The following ALDH5A1 variants were observed in gnomAD, a reference collection of about 807,000 sequenced individuals.
ALDH5A1 encodes the protein succinate-semialdehyde dehydrogenase, mitochondrial.
ALDH5A1 carries 33 observed loss-of-function variants against 54.7 expected under a neutral mutation model. That is an observed-to-expected ratio of 0.60 (90% CI 0.46 to 0.81). The LOEUF is 0.81. Among genes scored for constraint, ALDH5A1 ranks in the 30% least tolerant of loss-of-function variants. The probability of loss-of-function intolerance (pLI) is 0.00; values close to 1 mark genes in which losing one functional copy is unlikely to be tolerated. For missense variants in ALDH5A1, 657 were observed against 711.0 expected (o/e 0.92, Z 0.86); for synonymous variants, 294 against 292.7 (o/e 1.00, Z -0.05).
chr6:24,516,824 G>A (rs955898104), intron 5 of ALDH5A1, among the ~76,000 whole-genome samples: 5 of 152,100 alleles, frequency 3.3e-5, no homozygotes, highest in Admixed American at 2.6e-4. Flanking sequence ...TTGGGAGGGT[G>A]AGGTGAGAGG....
intron 5 of ALDH5A1, among the ~76,000 whole-genome samples, chr6:24,515,973 A>G (rs1759562511): frequency 1.3e-5 from 2 of 152,160 alleles, no homozygotes; most frequent in African/African-American, 4.8e-5. Context: ...CACACAATTA[A>G]TGTTGAAATG....
intron 8 of ALDH5A1, 174 bp from the exon 9 acceptor site, chr6:24,531,945 C>A: frequency 1.5e-6 from 1 of 680,474 alleles, no homozygotes; most frequent in South Asian, 1.6e-5. Flanking sequence ...TAGCCTTAAT[C>A]GCTGAGTTAT....
chr6:24,533,746 G>C lies in ALDH5A1; in HGVS notation c.*34G>C, dbSNP rs368598907. The C allele has an allele frequency of 8.2e-6, 13 of 1,580,326 alleles. No individual in the cohort carries two copies. Among genetic ancestry groups the C allele is most frequent in the Non-Finnish European group, 1.1e-5 (13 of 1,150,710 alleles). ...GGTTCTTTAAAAAAATTTAAAAGGA[G>C]ACTTATCTACATATATAGGTACATG... On this transcript the variant is annotated 3_prime_UTR_variant, in exon 10 of 10. Transcript: ENST00000357578.
chr6:24,508,301 G>A (rs1309711281), intron 4 of ALDH5A1, among the ~76,000 whole-genome samples: 1 of 135,562 alleles, frequency 7.4e-6, no homozygotes, highest in African/African-American at 2.8e-5. Flanking sequence ...GGCAGAGGTT[G>A]CAGTGAGCCA....
At chr6:24,497,400 C>G (rs140512746) in intron 1 of ALDH5A1, among the ~76,000 whole-genome samples, 1 of 150,702 alleles carries the variant, frequency 6.6e-6, no homozygotes, top group African/African-American at 2.4e-5. Context: ...AGCTACAGAG[C>G]GCTGATTGGT....
intron 5 of ALDH5A1, among the ~76,000 whole-genome samples, chr6:24,516,165 G>A (rs146629746): frequency 0.016 from 2,393 of 152,022 alleles, 34 homozygotes; most frequent in South Asian, 0.043. Flanking sequence ...GGCCGGGCGC[G>A]GTGGCTCACA....
At chr6:24,513,972 C>T (rs895681896) in intron 4 of ALDH5A1, among the ~76,000 whole-genome samples, 2 of 152,216 alleles carry the variant, frequency 1.3e-5, no homozygotes, top group Admixed American at 6.5e-5. Flanking sequence ...TTGGGGTTTG[C>T]TGTCTAATTG....
At chr6:24,529,320 C>A (rs926123165) in intron 8 of ALDH5A1, among the ~76,000 whole-genome samples, 1 of 151,944 alleles carries the variant, frequency 6.6e-6, no homozygotes, top group Non-Finnish European at 1.5e-5. Flanking sequence ...GCATGTGCCA[C>A]CACACCTGGC....
intron 6 of ALDH5A1, 71 bp downstream of exon 6, chr6:24,520,615 GTGA>G (rs1277520050): frequency 2.5e-6 from 4 of 1,582,908 alleles, no homozygotes; most frequent in Non-Finnish European, 3.4e-6. Context: ...GTGTGTGTGT[GTGA>G]TATGTGTGCA....
rs1392871089 is a variant in ALDH5A1, at chr6:24,520,496, C to T, written c.966C>T (p.Asp322=). ...TAGTATTTGACAGTGCCAACGTGGA[C>T]CAGGCTGTAGCAGGGGCCATGGCAT... The part of the protein sequence containing the change: ...PFIVFDSANV[D]QAVAGAMASK... The change falls in exon 6 of 10, where the codon GAC becomes GAT. Residue 322 remains aspartate, a synonymous_variant. Transcript: ENST00000357578. 3.1e-6 allele frequency: 5 copies of T among 1,614,018 alleles called. No homozygotes were observed. Among genetic ancestry groups the T allele is most frequent in the Non-Finnish European group, 4.2e-6 (5 of 1,180,042 alleles).
chr6:24,514,237 C>A (rs1759518329), intron 4 of ALDH5A1, among the ~76,000 whole-genome samples: 1 of 152,150 alleles, frequency 6.6e-6, no homozygotes, highest in South Asian at 2.1e-4. Context: ...CTTCATCATC[C>A]CCCTGGGAAA....
intron 8 of ALDH5A1, among the ~76,000 whole-genome samples, chr6:24,529,670 G>GTTTTTTTTTTTT (rs55878931): frequency 1.2e-5 from 1 of 86,328 alleles, no homozygotes; most frequent in Non-Finnish European, 2.1e-5. Context: ...TTTGGTTTGG[G>GTTTTTTTTTTTT]TTTTTTTTTT....
chr6:24,506,670 C>T (rs946297675), intron 4 of ALDH5A1, among the ~76,000 whole-genome samples: 4 of 152,166 alleles, frequency 2.6e-5, no homozygotes, highest in African/African-American at 4.8e-5. Flanking sequence ...ATTTTAATAT[C>T]ACCAATGTGC....
In ALDH5A1 at chr6:24,504,996, C is replaced by G. The variant is rs763074603; in HGVS notation, c.726+11C>G. 1.9e-6 allele frequency: 3 copies of G among 1,611,796 alleles called. No homozygotes were observed. In the African/African-American group the frequency reaches 4.0e-5, roughly 22 times the overall value. ...CTGGCCCTGGCTGAGGTGAGCCGCTCTCCCTGTGTTTGTACAAAGCAGACA... is the reference window on the plus strand; with the variant it reads ...CTGGCCCTGGCTGAGGTGAGCCGCTGTCCCTGTGTTTGTACAAAGCAGACA... On this transcript the variant is annotated intron_variant, in intron 4 of 9. Coordinates refer to ENST00000357578, the MANE Select transcript of ALDH5A1 (RefSeq NM_001080.3).
At chr6:24,520,019 AAAT>A (rs1186826531) in intron 5 of ALDH5A1, among the ~76,000 whole-genome samples, 1 of 152,060 alleles carries the variant, frequency 6.6e-6, no homozygotes, top group African/African-American at 2.4e-5. Flanking sequence ...CTCTTTCTAT[AAAT>A]AATGACTTTT....
chr6:24,505,882 C>T (rs971527617), intron 4 of ALDH5A1, among the ~76,000 whole-genome samples: 1 of 151,856 alleles, frequency 6.6e-6, no homozygotes, highest in African/African-American at 2.4e-5. Context: ...GCAGGAGAAT[C>T]GCTTGAACCC....
chr6:24,525,328 G>T (rs1399873209), intron 7 of ALDH5A1, among the ~76,000 whole-genome samples: 4 of 152,112 alleles, frequency 2.6e-5, no homozygotes, highest in Non-Finnish European at 4.4e-5. Flanking sequence ...TGCAGGAGGG[G>T]CATGGATTTC....
At chr6:24,505,977 A>C (rs1454543075) in intron 4 of ALDH5A1, among the ~76,000 whole-genome samples, 3 of 151,790 alleles carry the variant, frequency 2.0e-5, no homozygotes, top group Admixed American at 1.3e-4. Flanking sequence ...CAAAAAAAAA[A>C]ATCACAACCT....
At chr6:24,499,663 CTT>C (rs201732598) in intron 1 of ALDH5A1, among the ~76,000 whole-genome samples, 1 of 124,928 alleles carries the variant, frequency 8.0e-6, no homozygotes, top group Non-Finnish European at 1.7e-5. Flanking sequence ...CAGATAATTT[CTT>C]TTCTTTTTTT....
Sources: allele counts gnomAD v4.1 joint callset (sites outside exome capture counted in the v4.1 genomes callset), GRCh38; gene constraint gnomAD v4.1.1; transcripts MANE v1.5; gene names NCBI Gene and HGNC (gene_info 2026-07-23, HGNC 2026-07-21).